TGM2: variants seen among roughly 807,000 people sequenced by gnomAD.
TGM2 encodes transglutaminase 2.
Under a neutral mutation model 75.6 loss-of-function variants are expected in TGM2, and 53 were observed. The ratio of observed to expected loss-of-function variants is 0.70; its 90% CI spans 0.56 to 0.88. TGM2 has a LOEUF of 0.88. TGM2 is among the 40% of genes least tolerant of loss of function. TGM2 has a pLI of 0.00. For missense variants in TGM2, 842 were observed against 928.5 expected, an observed-to-expected ratio of 0.91 and a Z score of 1.21; for synonymous variants, 374 against 381.1, an observed-to-expected ratio of 0.98 and a Z score of 0.22.
chr20:38,148,284 G>GGTGA (rs1454628006), intron 4 of TGM2, among the ~76,000 whole-genome samples, 195 bp from the exon 5 acceptor site: 1 of 152,206 alleles, frequency 6.6e-6, no homozygotes, highest in Admixed American at 6.5e-5. Flanking sequence ...ACAATGACTG[G>GGTGA]GTGAGCCATG....
chr20:38,155,796 G>A (rs377306083), intron 3 of TGM2, 51 bp downstream of exon 3: 148 of 1,561,754 alleles, frequency 9.5e-5, no homozygotes, highest in Non-Finnish European at 1.1e-4. Context: ...CTCCATGGGC[G>A]GATCCAGCCC....
At position 38,131,204 on chromosome 20, in the gene TGM2, C is replaced by T. The variant is rs938675229; in HGVS notation, c.1802G>A (p.Arg601His). Residue 601 changes from arginine (R) to histidine (H), a missense_variant, in exon 12 of 13, where the codon CGC becomes CAC. Arg to His is a conservative substitution (Grantham distance 29). Transcript: ENST00000361475. ...CAGGGACACCTCAGCCACCAGCTTG[C>T]GTTTCTGCTTGGGCTCCCCAAGGAT... ...IRILGEPKQK[R>H]KLVAEVSLQN... is the part of the protein sequence containing the mutation. 3.1e-6 allele frequency: 5 copies of T among 1,613,726 alleles called. No homozygotes were observed. The highest frequency in any genetic ancestry group is 1.6e-4 in the Middle Eastern group (1 of 6,084).
At chr20:38,146,990 G>A (rs1316229461) in intron 5 of TGM2, 96 bp from the exon 6 acceptor site, 7 of 1,350,526 alleles carry the variant, frequency 5.2e-6, no homozygotes, top group Non-Finnish European at 7.2e-6. Flanking sequence ...TGAAAGCTGG[G>A]GAGGGGAGCT....
In TGM2 at chr20:38,130,089, G is replaced by T; in HGVS notation, c.*130C>A. On this transcript the variant is annotated 3_prime_UTR_variant, in exon 13 of 13. Coordinates refer to ENST00000361475, the MANE Select transcript of TGM2 (RefSeq NM_004613.4). ...TGGGCCAGGGGCACATTCCATTTCC[G>T]AGAGCCCCCATAGGCTGCCCACCCT... 3.9e-6 allele frequency: 5 copies of T among 1,270,466 alleles called. No homozygotes were observed. In the East Asian group the frequency reaches 1.0e-4, roughly 25 times the overall value. The allele number at this position is 1,270,466 out of a possible 1,614,324, so 78.7% of individuals were successfully genotyped here.
In TGM2 at chr20:38,138,331, G is replaced by T. The variant is rs1220018137; in HGVS notation, c.1397C>A (p.Ala466Asp). Residue 466 changes from alanine to aspartate, a missense_variant, in exon 10 of 13, where the codon GCC (alanine) becomes GAC (aspartate). Ala to Asp is a moderately radical substitution (Grantham distance 126, BLOSUM62 -2). Coordinates refer to ENST00000361475, the MANE Select transcript of TGM2 (RefSeq NM_004613.4). ...FTRANHLNKL[A>D]EKEETGMAMR... The stretch of plus-strand genomic sequence containing the variant: ...GGCCATCCCTGTCTCCTCCTTCTCG[G>T]CCAGTTTGTTCAGGTGGTTCGCCCT... The T allele has an allele frequency of 6.2e-7, 1 of 1,614,156 alleles. No homozygotes were observed. Among genetic ancestry groups the T allele is most frequent in the East Asian group, 2.2e-5 (1 of 44,884 alleles).
At chr20:38,149,636 A>T (rs1049702815) in intron 4 of TGM2, among the ~76,000 whole-genome samples, 2 of 142,432 alleles carry the variant, frequency 1.4e-5, no homozygotes, top group African/African-American at 5.4e-5. Flanking sequence ...CCGAGATTGC[A>T]CCACTGCACT....
rs560015883 is a variant in TGM2 at position 38,139,103 on chromosome 20, C to T, written c.1342+309G>A. Among the ~76,000 whole-genome samples, 9 of 152,258 alleles carry T rather than the reference C, an allele frequency of 5.9e-5. No homozygotes were observed. The South Asian group carries it at 1.9e-3, about 32-fold the overall frequency. On this transcript the variant is annotated intron_variant, in intron 9 of 12. Transcript: ENST00000361475. Reference sequence around the variant, plus strand: ...TTAGTATTTGCTTAGAAATTAGATACCATATTGAATTGGCTGTTCGATGTG... The same window carrying T: ...TTAGTATTTGCTTAGAAATTAGATATCATATTGAATTGGCTGTTCGATGTG...
chr20:38,132,807 G>A (rs556547329), intron 10 of TGM2: 3 of 489,006 alleles, frequency 6.1e-6, no homozygotes, highest in African/African-American at 1.9e-5. Flanking sequence ...CTCGATGTTT[G>A]GATCTGCGTG....
chr20:38,165,360 C>T, upstream of TGM2: 2 of 1,002,064 alleles, frequency 2.0e-6, no homozygotes, highest in Non-Finnish European at 1.5e-6. Flanking sequence ...TGGGAGGCCA[C>T]CCATTGCCCA....
At chr20:38,167,015 A>G (rs1370264110), upstream of TGM2, among the ~76,000 whole-genome samples, 1 of 152,140 alleles carries the variant, frequency 6.6e-6, no homozygotes, top group African/African-American at 2.4e-5. Flanking sequence ...CTCCTCTGCA[A>G]AATGGGGGAA....
chr20:38,155,487 G>T (rs951638503), intron 3 of TGM2, among the ~76,000 whole-genome samples: 3 of 152,042 alleles, frequency 2.0e-5, no homozygotes, highest in African/African-American at 4.8e-5. Flanking sequence ...GACCACAGGC[G>T]TGCACTACCA....
rs1375570484 is a variant in TGM2 at position 38,128,362 on chromosome 20, G to A, written c.*1857C>T. Reference sequence around the variant, plus strand: ...GTTTAAACGCAGGGACAGGGCTGAGGCTCAGGAAAGACTCCTAGGCAGGAA... The same window carrying A: ...GTTTAAACGCAGGGACAGGGCTGAGACTCAGGAAAGACTCCTAGGCAGGAA... On this transcript the variant is annotated 3_prime_UTR_variant, in exon 13 of 13. Transcript: ENST00000361475. 6.6e-6 allele frequency: 1 copy of A among 152,288 alleles called. No homozygotes were observed. Among genetic ancestry groups the A allele is most frequent in the Non-Finnish European group, 1.5e-5 (1 of 68,100 alleles). The allele number at this position is 152,288 out of a possible 1,614,324, so 9.4% of individuals were successfully genotyped here. A position where few individuals can be genotyped will look rare whatever the true frequency, so the allele number is the denominator to read the frequency against.
intron 2 of TGM2, among the ~76,000 whole-genome samples, chr20:38,159,790 T>C (rs2075232760): frequency 6.6e-6 from 1 of 152,188 alleles, no homozygotes; most frequent in African/African-American, 2.4e-5. Context: ...AGCTTTCCCA[T>C]CTGCAAAATG....
In TGM2 at chr20:38,161,583, C is replaced by G. The variant is rs769942048; in HGVS notation, c.27G>C (p.Arg9Ser). The G allele has an allele frequency of 4.3e-6, 7 of 1,614,168 alleles. No homozygotes were observed. Among genetic ancestry groups the G allele is most frequent in the Non-Finnish European group, 5.9e-6 (7 of 1,180,038 alleles). MAEELVLE[R>S]CDLELETNGR... Reference sequence around the variant, plus strand: ...CATTGGTCTCCAGCTCCAGATCACACCTCTCTAAGACCAGCTCTATGGAAA... The same window carrying G: ...CATTGGTCTCCAGCTCCAGATCACAGCTCTCTAAGACCAGCTCTATGGAAA... The change falls in exon 2 of 13, where the codon AGG becomes AGC. Residue 9 changes from arginine to serine, a missense_variant. Coordinates refer to ENST00000361475, the MANE Select transcript of TGM2 (RefSeq NM_004613.4).
chr20:38,131,972 C>G (rs906105897), intron 11 of TGM2, among the ~76,000 whole-genome samples: 4 of 152,026 alleles, frequency 2.6e-5, no homozygotes, highest in African/African-American at 4.8e-5. Flanking sequence ...TGCCCTGGTA[C>G]AAATTCAGGC....
chr20:38,133,595 G>C (rs973863799), intron 10 of TGM2: 3 of 152,246 alleles, frequency 2.0e-5, no homozygotes, highest in Non-Finnish European at 4.4e-5. Context: ...AACAGACCTG[G>C]GGTCTGTTTG....
upstream of TGM2, among the ~76,000 whole-genome samples, chr20:38,167,614 T>C (rs2075321656): frequency 6.6e-6 from 1 of 152,186 alleles, no homozygotes; most frequent in Admixed American, 6.5e-5. Flanking sequence ...GCTGGGATTA[T>C]AGTCATGAAC....
intron 3 of TGM2, among the ~76,000 whole-genome samples, chr20:38,155,127 C>CA: frequency 6.6e-6 from 1 of 151,882 alleles, no homozygotes; most frequent in South Asian, 2.1e-4. Flanking sequence ...CAAAACAAAA[C>CA]AAAAAACACA....
At position 38,130,097 on chromosome 20, in the gene TGM2, C is replaced by A; in HGVS notation, c.*122G>T. 7.2e-7 allele frequency: 1 copy of A among 1,381,798 alleles called. No individual in the cohort carries two copies. The highest frequency in any genetic ancestry group is 9.9e-7 in the Non-Finnish European group (1 of 1,008,064). The allele number at this position is 1,381,798 out of a possible 1,614,324, so 85.6% of individuals were successfully genotyped here. On this transcript the variant is annotated 3_prime_UTR_variant, in exon 13 of 13. Transcript: ENST00000361475. ...GGGCACATTCCATTTCCGAGAGCCC[C>A]CATAGGCTGCCCACCCTGCCCTGGG...
Sources: gnomAD v4.1 joint callset for allele counts (sites outside exome capture counted in the v4.1 genomes callset) on GRCh38, gnomAD v4.1.1 for gene constraint, MANE v1.5 for transcripts, NCBI Gene and HGNC (gene_info 2026-07-23, HGNC 2026-07-21) for gene names.